Variants in LRCH1 observed in about 807,000 individuals in gnomAD.
LRCH1 encodes leucine rich repeats and calponin homology domain containing 1.
In LRCH1, 23 loss-of-function variants were observed where a neutral mutation model predicts 94.9. The ratio of observed to expected loss-of-function variants is 0.24; its 90% CI spans 0.17 to 0.34. The LOEUF is 0.34. Ranked by LOEUF, LRCH1 falls within the 10% of genes least tolerant of loss-of-function variation. LRCH1 has a pLI of 1.00. For synonymous variants in LRCH1, 364 were observed against 354.9 expected (o/e 1.03, Z -0.29); for missense variants, 790 against 945.9 (o/e 0.84, Z 2.16).
chr13:46,583,667 A>G (rs1330490872), intron 1 of LRCH1, among the ~76,000 whole-genome samples: 1 of 152,150 alleles, frequency 6.6e-6, no homozygotes, highest in Admixed American at 6.5e-5. Context: ...AATGTTATCA[A>G]TGTGATTTAA....
At chr13:46,735,643 A>G (rs371664000) in intron 19 of LRCH1, among the ~76,000 whole-genome samples, 4 of 152,208 alleles carry the variant, frequency 2.6e-5, no homozygotes, top group African/African-American at 9.6e-5. Flanking sequence ...GCAGTAATGT[A>G]CAATTTATAA....
rs759445858 is a variant in LRCH1 at position 46,694,922 on chromosome 13, C to G, written c.1150C>G (p.Pro384Ala). The change falls in exon 9 of 20, where the codon CCT (proline) becomes GCT (alanine). Residue 384 changes from proline to alanine, a missense_variant. Around this residue, in one of 3 missense-constraint regions of LRCH1, gnomAD observed 460 missense variants for 508.9 expected, o/e 0.90. Coordinates refer to ENST00000389797, the MANE Select transcript of LRCH1 (RefSeq NM_001164211.2). ...ATTTCATCAGGAATTTCAACCGGAG[C>G]CTTCCCTTTTGGGTGACAGCACCAA... ...GEFHQEFQPE[P>A]SLLGDSTNSG... The G allele has an allele frequency of 1.2e-6, 2 of 1,613,968 alleles. No homozygotes were observed. The highest frequency in any genetic ancestry group is 2.2e-5 in the South Asian group (2 of 91,078).
At chr13:46,666,472 G>A (rs1467347130) in intron 2 of LRCH1, among the ~76,000 whole-genome samples, 1 of 152,136 alleles carries the variant, frequency 6.6e-6, no homozygotes, top group African/African-American at 2.4e-5. Flanking sequence ...CTAGTGAGAC[G>A]GATAACTTAG....
intron 1 of LRCH1, among the ~76,000 whole-genome samples, chr13:46,615,750 C>A (rs2050800478): frequency 6.6e-6 from 1 of 152,146 alleles, no homozygotes; most frequent in African/African-American, 2.4e-5. Flanking sequence ...GTTGTATTAT[C>A]TCCCCATATT....
chr13:46,626,363 C>T (rs1383432097), intron 1 of LRCH1, among the ~76,000 whole-genome samples: 1 of 152,110 alleles, frequency 6.6e-6, no homozygotes, highest in East Asian at 1.9e-4. Context: ...AACTGAAGAT[C>T]CACAAGAGAA....
chr13:46,639,655 A>G (rs1040262808), intron 1 of LRCH1, among the ~76,000 whole-genome samples: 2 of 152,140 alleles, frequency 1.3e-5, no homozygotes, highest in African/African-American at 4.8e-5. Context: ...TGCTATCTGC[A>G]TGATTGCTGT....
At chr13:46,625,552 T>C (rs1342621386) in intron 1 of LRCH1, among the ~76,000 whole-genome samples, 1 of 150,986 alleles carries the variant, frequency 6.6e-6, no homozygotes, top group Non-Finnish European at 1.5e-5. Context: ...ACCAGACACA[T>C]AATCTGCTTG....
At chr13:46,656,112 G>A (rs80236933) in intron 2 of LRCH1, among the ~76,000 whole-genome samples, 1,986 of 152,302 alleles carry the variant, frequency 0.013, 38 homozygotes, top group African/African-American at 0.045. Context: ...CCTATAACCC[G>A]TATCCCCACA....
chr13:46,742,439 A>C lies in LRCH1; in HGVS notation c.*591A>C. On this transcript the variant is annotated 3_prime_UTR_variant, in exon 20 of 20. Coordinates refer to ENST00000389797, the MANE Select transcript of LRCH1 (RefSeq NM_001164211.2). ...TGGCCATTCGATTGGATTCCTCCCA[A>C]ATTTCCTAAAAAGGGAGCCGCGAAG... is the stretch of plus-strand genomic sequence containing the variant. The C allele has an allele frequency of 1.0e-6, 1 of 986,926 alleles. No individual in the cohort carries two copies. The highest frequency in any genetic ancestry group is 4.7e-5 in the South Asian group (1 of 21,340). The allele number at this position is 986,926 out of a possible 1,614,324, so 61.1% of individuals were successfully genotyped here. A position where few individuals can be genotyped will look rare whatever the true frequency, so the allele number is the denominator to read the frequency against.
chr13:46,628,077 C>T (rs1037679665), intron 1 of LRCH1, among the ~76,000 whole-genome samples: 1 of 152,122 alleles, frequency 6.6e-6, no homozygotes, highest in Non-Finnish European at 1.5e-5. Flanking sequence ...CACTCTAAAT[C>T]TATGCTACTT....
intron 9 of LRCH1, among the ~76,000 whole-genome samples, chr13:46,695,967 A>G (rs1376082160): frequency 6.6e-6 from 1 of 152,228 alleles, no homozygotes; most frequent in Non-Finnish European, 1.5e-5. Context: ...GAAGTTGTGT[A>G]GAAGGATAAA....
intron 2 of LRCH1, 88 bp from the exon 3 acceptor site, chr13:46,668,942 C>A (rs896520413): frequency 2.8e-6 from 4 of 1,426,160 alleles, no homozygotes; most frequent in Middle Eastern, 3.7e-4. Context: ...CAGATCACTC[C>A]TTTTTCCTTT....
chr13:46,630,019 C>T (rs941709271), intron 1 of LRCH1, among the ~76,000 whole-genome samples: 1 of 152,184 alleles, frequency 6.6e-6, no homozygotes, highest in Non-Finnish European at 1.5e-5. Context: ...GAATTCTGGG[C>T]AAGGGAAAGT....
intron 1 of LRCH1, among the ~76,000 whole-genome samples, chr13:46,621,657 A>C (rs1490610772): frequency 6.6e-6 from 1 of 152,192 alleles, no homozygotes; most frequent in Non-Finnish European, 1.5e-5. Context: ...AAAAAAGAAA[A>C]TCTTACACCA....
intron 19 of LRCH1, among the ~76,000 whole-genome samples, chr13:46,739,847 A>G (rs1450987074): frequency 1.3e-5 from 2 of 152,174 alleles, no homozygotes; most frequent in African/African-American, 4.8e-5. Flanking sequence ...TTCCTGGATG[A>G]GAAGAATGGT....
intron 16 of LRCH1, among the ~76,000 whole-genome samples, chr13:46,716,640 T>C (rs1450895320): frequency 6.6e-6 from 1 of 152,236 alleles, no homozygotes; most frequent in African/African-American, 2.4e-5. Context: ...TTTAAGACAC[T>C]TGCTGTGATT....
chr13:46,612,343 G>A (rs1003677312), intron 1 of LRCH1, among the ~76,000 whole-genome samples: 7 of 152,200 alleles, frequency 4.6e-5, no homozygotes, highest in Middle Eastern at 3.4e-3. Context: ...TTGTATACAC[G>A]GTTATGAAGG....
intron 1 of LRCH1, among the ~76,000 whole-genome samples, chr13:46,567,973 C>T (rs1464432286): frequency 2.0e-5 from 3 of 152,176 alleles, no homozygotes; most frequent in Non-Finnish European, 4.4e-5. Flanking sequence ...TGGTCTTTCT[C>T]AAGTGGTTCC....
Position 46,583,764 on chromosome 13 carries a change from ATT to A in LRCH1, c.307+30074_307+30075del, listed in dbSNP as rs34881091. Among the ~76,000 whole-genome samples, 643 of 142,916 alleles carry A rather than the reference ATT, an allele frequency of 4.5e-3. 2 individuals are homozygous for A. Among genetic ancestry groups the A allele is most frequent in the African/African-American group, 0.015 (593 of 38,980 alleles). 93.8% of individuals were successfully genotyped at this position (142,916 alleles called of 152,430 possible). A position where few individuals can be genotyped will look rare whatever the true frequency, so the allele number is the denominator to read the frequency against. The stretch of plus-strand genomic sequence containing the variant: ...CTTGTTTCAGCTACGGAATTTTTCT[ATT>A]TTTTTTTTTTTTGAGACAGTGTGTC... On this transcript the variant is annotated intron_variant, in intron 1 of 19. Transcript: ENST00000389797.
Sources: gnomAD v4.1 joint callset for allele counts (sites outside exome capture counted in the v4.1 genomes callset) on GRCh38, gnomAD v4.1.1 for gene constraint, gnomAD v4.1.1 regional missense constraint, MANE v1.5 for transcripts, NCBI Gene and HGNC (gene_info 2026-07-23, HGNC 2026-07-21) for gene names.